The following IQCM variants were observed in gnomAD, a reference collection of about 807,000 sequenced individuals.
The protein encoded by IQCM is IQ motif containing M.
IQCM carries 45 observed loss-of-function variants against 57.6 expected under a neutral mutation model. The ratio of observed to expected loss-of-function variants is 0.78; its 90% CI spans 0.62 to 1.00. The LOEUF (loss-of-function observed/expected upper bound fraction) is 1.00. Among genes scored for constraint, IQCM ranks in the 50% least tolerant of loss-of-function variants. IQCM has a pLI of 0.00. For synonymous variants in IQCM, 148 were observed against 158.9 expected (o/e 0.93, Z 0.51); for missense variants, 468 against 511.6 (o/e 0.91, Z 0.82).
intron 13 of IQCM, among the ~76,000 whole-genome samples, chr4:149,360,948 T>C (rs770365329): frequency 4.6e-5 from 7 of 152,154 alleles, no homozygotes; most frequent in Non-Finnish European, 8.8e-5. Context: ...TGTGGGAAAG[T>C]TTGGAACTTC....
At chr4:149,763,417 G>A (rs1769728226) in intron 2 of IQCM, among the ~76,000 whole-genome samples, 1 of 152,050 alleles carries the variant, frequency 6.6e-6, no homozygotes, top group Non-Finnish European at 1.5e-5. Context: ...GGACTTTAAA[G>A]AGGTTTCTAG....
chr4:149,590,499 C>T (rs1033699644), intron 8 of IQCM, among the ~76,000 whole-genome samples: 10 of 151,688 alleles, frequency 6.6e-5, no homozygotes, highest in African/African-American at 1.7e-4. Context: ...ATGTACAGAA[C>T]GTGCAGATTT....
At chr4:149,492,561 T>C (rs565476129) in intron 12 of IQCM, among the ~76,000 whole-genome samples, 1 of 152,228 alleles carries the variant, frequency 6.6e-6, no homozygotes, top group South Asian at 2.1e-4. Context: ...ATAAGAGACA[T>C]TTTGTAGCTA....
intron 5 of IQCM, among the ~76,000 whole-genome samples, chr4:149,719,732 CCCCATCACTCAA>C (rs1415033815): frequency 6.6e-6 from 1 of 152,180 alleles, no homozygotes; most frequent in African/African-American, 2.4e-5. Flanking sequence ...TTGGATTAAG[CCCCATCACTCAA>C]CCCATCACTG....
intron 13 of IQCM, among the ~76,000 whole-genome samples, chr4:149,357,933 G>A (rs1729129395): frequency 6.6e-6 from 1 of 152,086 alleles, no homozygotes; most frequent in African/African-American, 2.4e-5. Context: ...GCCTGTTATT[G>A]GTCTATTCAG....
intron 8 of IQCM, among the ~76,000 whole-genome samples, chr4:149,617,283 AAAAC>A (rs947285440): frequency 1.3e-5 from 2 of 152,144 alleles, no homozygotes; most frequent in Non-Finnish European, 2.9e-5. Flanking sequence ...GTAAACTAAA[AAAAC>A]AAACAAAAAA....
chr4:149,409,466 G>C (rs1267776603), intron 13 of IQCM, among the ~76,000 whole-genome samples: 7 of 152,202 alleles, frequency 4.6e-5, no homozygotes, highest in Non-Finnish European at 1.0e-4. Flanking sequence ...TAGAAATCAC[G>C]GGGCTGCTTT....
chr4:149,553,079 A>G, intron 11 of IQCM, 64 bp downstream of exon 11: 1 of 1,178,738 alleles, frequency 8.5e-7, no homozygotes, highest in Non-Finnish European at 1.1e-6. Flanking sequence ...AATTATATTT[A>G]AAATTCCAAT....
intron 7 of IQCM, among the ~76,000 whole-genome samples, chr4:149,674,294 T>C (rs755477260): frequency 2.7e-4 from 41 of 152,102 alleles, no homozygotes; most frequent in Non-Finnish European, 4.7e-4. Context: ...TTTTACAAAA[T>C]AAAATGCCAG....
At chr4:149,740,477 A>G (rs996939226) in intron 3 of IQCM, among the ~76,000 whole-genome samples, 1 of 152,168 alleles carries the variant, frequency 6.6e-6, no homozygotes, top group Non-Finnish European at 1.5e-5. Context: ...AGAAGCCAAC[A>G]TAAACCACCA....
chr4:149,595,700 C>G (rs2150020849), intron 8 of IQCM, among the ~76,000 whole-genome samples: 1 of 152,214 alleles, frequency 6.6e-6, no homozygotes, highest in East Asian at 1.9e-4. Flanking sequence ...CCAAACACAT[C>G]TTTCTGAGAT....
At chr4:149,739,988 A>G (rs190501126) in intron 3 of IQCM, among the ~76,000 whole-genome samples, 1 of 152,336 alleles carries the variant, frequency 6.6e-6, no homozygotes, top group Admixed American at 6.5e-5. Flanking sequence ...TATGGAAACT[A>G]TGACAGAGAA....
intron 7 of IQCM, among the ~76,000 whole-genome samples, chr4:149,680,294 T>C (rs1354043560): frequency 6.6e-6 from 1 of 151,456 alleles, no homozygotes; most frequent in South Asian, 2.1e-4. Context: ...GAGATACTTA[T>C]AATATCATAA....
rs184799438 is a variant in IQCM, at chr4:149,687,796, T to C, written c.386-1328A>G. Among the ~76,000 whole-genome samples, 641 of 152,024 alleles carry C rather than the reference T, an allele frequency of 4.2e-3. 5 individuals carry two copies. Among genetic ancestry groups the C allele is most frequent in the South Asian group, 7.7e-3 (37 of 4,828 alleles). On this transcript the variant is annotated intron_variant, in intron 5 of 13. Transcript: ENST00000636793. Reference sequence around the variant, plus strand: ...CCAGGGATGCAGGGATGGTTTAACATATGCAAGTCAATAAATGTGATACAC... The same window carrying C: ...CCAGGGATGCAGGGATGGTTTAACACATGCAAGTCAATAAATGTGATACAC...
At chr4:149,368,405 G>T (rs556766722) in intron 13 of IQCM, among the ~76,000 whole-genome samples, 1 of 152,004 alleles carries the variant, frequency 6.6e-6, no homozygotes, top group South Asian at 2.1e-4. Flanking sequence ...TTCAATAGAT[G>T]GCTGGACAAC....
intron 7 of IQCM, among the ~76,000 whole-genome samples, chr4:149,650,019 C>T (rs2150131766): frequency 6.6e-6 from 1 of 152,246 alleles, no homozygotes; most frequent in African/African-American, 2.4e-5. Flanking sequence ...AAACAATCAG[C>T]TAATCCAGTA....
At chr4:149,524,128 G>C (rs1579360580) in intron 12 of IQCM, among the ~76,000 whole-genome samples, 1 of 152,106 alleles carries the variant, frequency 6.6e-6, no homozygotes, top group African/African-American at 2.4e-5. Context: ...ATGACTCCCA[G>C]AAATGTTAAA....
chr4:149,384,788 T>C (rs886943117), intron 13 of IQCM, among the ~76,000 whole-genome samples: 5 of 151,942 alleles, frequency 3.3e-5, no homozygotes, highest in Non-Finnish European at 7.4e-5. Flanking sequence ...ACCCCAGTTA[T>C]AAACCTAAGA....
chr4:149,517,463 G>T (rs1745098860), intron 12 of IQCM, among the ~76,000 whole-genome samples: 1 of 152,180 alleles, frequency 6.6e-6, no homozygotes, highest in Non-Finnish European at 1.5e-5. Flanking sequence ...AAGGAGAGTT[G>T]TATTGTTAGG....
Sources: allele counts gnomAD v4.1 joint callset (sites outside exome capture counted in the v4.1 genomes callset), GRCh38; gene constraint gnomAD v4.1.1; transcripts MANE v1.5; gene names NCBI Gene and HGNC (gene_info 2026-07-23, HGNC 2026-07-21).